AGBL4: variants seen among roughly 807,000 people sequenced by gnomAD.
AGBL4 encodes the protein AGBL carboxypeptidase 4.
Under a neutral mutation model 66.4 loss-of-function variants are expected in AGBL4, and 58 were observed. That is an observed-to-expected ratio of 0.87 (90% CI 0.71 to 1.09). AGBL4 has a LOEUF of 1.09. AGBL4 is among the 50% of genes least tolerant of loss of function. The pLI is 0.00. For missense variants in AGBL4, 579 were observed against 631.0 expected, an observed-to-expected ratio of 0.92 and a Z score of 0.88; for synonymous variants, 234 against 222.9, an observed-to-expected ratio of 1.05 and a Z score of -0.44.
chr1:49,566,498 G>A (rs757920591), intron 3 of AGBL4, among the ~76,000 whole-genome samples: 9 of 152,134 alleles, frequency 5.9e-5, no homozygotes, highest in Non-Finnish European at 1.2e-4. Flanking sequence ...CTTTCTGTTT[G>A]CTAGTTTTCC....
intron 4 of AGBL4, among the ~76,000 whole-genome samples, chr1:49,194,995 A>G (rs897590137): frequency 6.6e-6 from 1 of 151,888 alleles, no homozygotes; most frequent in African/African-American, 2.4e-5. Context: ...TACCACCATA[A>G]CTGGCTAATT....
chr1:49,356,051 T>A (rs1557865584), intron 3 of AGBL4, among the ~76,000 whole-genome samples: 1 of 152,066 alleles, frequency 6.6e-6, no homozygotes. Context: ...TCCTACATCT[T>A]TGGAAATATA....
chr1:49,915,193 G>A (rs960450142), intron 1 of AGBL4, among the ~76,000 whole-genome samples: 4 of 152,118 alleles, frequency 2.6e-5, no homozygotes, highest in South Asian at 2.1e-4. Context: ...CATTTCCAAC[G>A]GAGGTACTGG....
Position 49,767,302 on chromosome 1 carries a change from G to A in AGBL4, c.158-69865C>T, listed in dbSNP as rs377554131. 3.3e-4 allele frequency among the ~76,000 whole-genome samples: 50 copies of A among 151,868 alleles called. 1 individual carries two copies. In the South Asian group the frequency reaches 9.6e-3, roughly 29 times the overall value. On this transcript the variant is annotated intron_variant, in intron 2 of 13. Transcript: ENST00000371839. Reference sequence around the variant, plus strand: ...TAAAAATAGAAATCAATACCAAGACGATCTCTCAGAACCACATAATTACAT... The same window carrying A: ...TAAAAATAGAAATCAATACCAAGACAATCTCTCAGAACCACATAATTACAT...
At chr1:49,564,364 G>T (rs1053406788) in intron 3 of AGBL4, among the ~76,000 whole-genome samples, 6 of 152,032 alleles carry the variant, frequency 3.9e-5, no homozygotes, top group African/African-American at 1.4e-4. Flanking sequence ...GAATGTGTTT[G>T]CTATTGCTTC....
Position 49,243,022 on chromosome 1 carries a change from CAT to C in AGBL4, c.377+2746_377+2747del, listed in dbSNP as rs71307611. Among the ~76,000 whole-genome samples, 305 of 149,262 alleles carry C rather than the reference CAT, an allele frequency of 2.0e-3. 1 individual carries two copies. Among genetic ancestry groups the C allele is most frequent in the African/African-American group, 6.8e-3 (273 of 40,410 alleles). The stretch of plus-strand genomic sequence containing the variant: ...AAAGGGTGTTTTCCCAATTTTTATA[CAT>C]ATATATATATACACACACATACATA... On this transcript the variant is annotated intron_variant, in intron 4 of 13. Transcript: ENST00000371839.
chr1:49,716,306 T>A (rs1227318403), intron 2 of AGBL4, among the ~76,000 whole-genome samples: 1 of 152,124 alleles, frequency 6.6e-6, no homozygotes, highest in East Asian at 1.9e-4. Flanking sequence ...GTTCCATTGG[T>A]CTATATATCT....
intron 2 of AGBL4, among the ~76,000 whole-genome samples, chr1:49,827,992 C>A (rs2148007052): frequency 6.6e-6 from 1 of 152,228 alleles, no homozygotes; most frequent in East Asian, 1.9e-4. Flanking sequence ...ATAAATCAAA[C>A]AAGCTTCTAA....
At chr1:49,443,548 T>A (rs1646084302) in intron 3 of AGBL4, among the ~76,000 whole-genome samples, 3 of 151,934 alleles carry the variant, frequency 2.0e-5, no homozygotes, top group Admixed American at 1.3e-4. Flanking sequence ...TAAGCTCTTG[T>A]GTTTTGTCAT....
At chr1:49,894,880 A>T (rs1473162750) in intron 1 of AGBL4, among the ~76,000 whole-genome samples, 1 of 152,152 alleles carries the variant, frequency 6.6e-6, no homozygotes, top group Non-Finnish European at 1.5e-5. Flanking sequence ...TAGTTTCCAA[A>T]CCTAGAGAAA....
intron 2 of AGBL4, among the ~76,000 whole-genome samples, chr1:49,849,253 G>A (rs994834642): frequency 6.6e-6 from 1 of 152,024 alleles, no homozygotes; most frequent in Non-Finnish European, 1.5e-5. Context: ...TGAGGGCATT[G>A]ATTTGGAAAC....
At chr1:49,368,076 T>G (rs983399148) in intron 3 of AGBL4, among the ~76,000 whole-genome samples, 1 of 152,240 alleles carries the variant, frequency 6.6e-6, no homozygotes, top group Non-Finnish European at 1.5e-5. Context: ...TTCATTCATG[T>G]TGTAGCATGT....
the AGBL4 span, among the ~76,000 whole-genome samples, chr1:48,527,252 C>T: frequency 6.6e-6 from 1 of 151,890 alleles, no homozygotes; most frequent in African/African-American, 2.4e-5. Context: ...AACTTTGCCC[C>T]CAAAGACATT....
At chr1:48,524,032 G>A in the AGBL4 span, among the ~76,000 whole-genome samples, 1 of 152,198 alleles carries the variant, frequency 6.6e-6, no homozygotes, top group African/African-American at 2.4e-5. Context: ...CTGTCATTCA[G>A]GTAGTCTATC....
intron 11 of AGBL4, among the ~76,000 whole-genome samples, chr1:48,562,487 C>T (rs1300540603): frequency 6.6e-6 from 1 of 152,132 alleles, no homozygotes; most frequent in African/African-American, 2.4e-5. Flanking sequence ...CCTAGATTCC[C>T]CAAGTTTGAA....
intron 6 of AGBL4, among the ~76,000 whole-genome samples, chr1:48,842,545 A>G (rs1256791326): frequency 1.3e-5 from 2 of 152,222 alleles, no homozygotes; most frequent in African/African-American, 4.8e-5. Context: ...AAGAGAGAGA[A>G]GAGAAAATGG....
At chr1:48,996,603 G>T (rs569720980) in intron 5 of AGBL4, among the ~76,000 whole-genome samples, 1 of 152,178 alleles carries the variant, frequency 6.6e-6, no homozygotes, top group Admixed American at 6.5e-5. Flanking sequence ...ATGACCATTA[G>T]AATTGGCAGG....
intron 3 of AGBL4, among the ~76,000 whole-genome samples, chr1:49,264,470 T>G (rs1316397276): frequency 3.9e-5 from 6 of 152,168 alleles, no homozygotes; most frequent in African/African-American, 1.2e-4. Context: ...TAATAAATTT[T>G]TATATGTTTG....
At chr1:49,023,545 A>G (rs995274320) in intron 5 of AGBL4, among the ~76,000 whole-genome samples, 1 of 152,214 alleles carries the variant, frequency 6.6e-6, no homozygotes, top group Non-Finnish European at 1.5e-5. Context: ...GACTTTACCA[A>G]TAAAAGCCAC....
Sources: allele counts gnomAD v4.1 joint callset (sites outside exome capture counted in the v4.1 genomes callset), GRCh38; gene constraint gnomAD v4.1.1; transcripts MANE v1.5; gene names NCBI Gene and HGNC (gene_info 2026-07-23, HGNC 2026-07-21).